Variants in PCDH15 observed in about 807,000 individuals in gnomAD.
PCDH15 encodes protocadherin-15.
In PCDH15, 129 loss-of-function variants were observed where a neutral mutation model predicts 178.5. That is an observed-to-expected ratio of 0.72 (90% CI 0.63 to 0.84). PCDH15 has a LOEUF of 0.84. Among genes scored for constraint, PCDH15 ranks in the 40% least tolerant of loss-of-function variants. The pLI, the probability that PCDH15 is intolerant of heterozygous loss-of-function variation, is 0.00. For missense variants in PCDH15, 2,230 were observed against 2,099.9 expected (o/e 1.06, Z -1.21); for synonymous variants, 800 against 732.0 (o/e 1.09, Z -1.50).
At chr10:55,453,253 C>A (rs1839474618) in intron 2 of PCDH15, among the ~76,000 whole-genome samples, 1 of 152,094 alleles carries the variant, frequency 6.6e-6, no homozygotes, top group Non-Finnish European at 1.5e-5. Context: ...AGATCATCAG[C>A]AAGAGGATAG....
At chr10:55,147,808 TTCC>T (rs1212460268) in intron 2 of PCDH15, among the ~76,000 whole-genome samples, 2 of 126,512 alleles carry the variant, frequency 1.6e-5, no homozygotes, top group African/African-American at 2.7e-5. Flanking sequence ...TCTTCTTATG[TTCC>T]TCCTCCTTCT....
chr10:53,888,304 A>ATATATATATATATG (rs1554845195), intron 26 of PCDH15, among the ~76,000 whole-genome samples: 1 of 88,976 alleles, frequency 1.1e-5, no homozygotes, highest in African/African-American at 5.8e-5. Flanking sequence ...ATATATATAT[A>ATATATATATATATG]TATATGTATA....
At chr10:55,593,372 A>T (rs1009415377) in intron 2 of PCDH15, among the ~76,000 whole-genome samples, 1 of 151,994 alleles carries the variant, frequency 6.6e-6, no homozygotes, top group Non-Finnish European at 1.5e-5. Flanking sequence ...TATGTATGCT[A>T]TAGACACTGA....
intron 3 of PCDH15, among the ~76,000 whole-genome samples, chr10:54,835,186 A>T (rs1434244888): frequency 6.6e-6 from 1 of 152,172 alleles, no homozygotes; most frequent in African/African-American, 2.4e-5. Context: ...TTCAAAGAAC[A>T]CCATCAGTAG....
At chr10:54,983,120 A>T (rs1303172856) in intron 2 of PCDH15, among the ~76,000 whole-genome samples, 2 of 152,200 alleles carry the variant, frequency 1.3e-5, no homozygotes, top group East Asian at 3.8e-4. Context: ...ACCAATGAAA[A>T]GCCTATTCAA....
intron 28 of PCDH15, among the ~76,000 whole-genome samples, chr10:53,855,340 AAGTT>A (rs775147145): frequency 2.6e-5 from 4 of 152,050 alleles, no homozygotes; most frequent in South Asian, 2.1e-4. Flanking sequence ...AAGCAGCTAA[AAGTT>A]AGGCACAATT....
At chr10:53,808,608 C>T in intron 37 of PCDH15, 2 of 1,497,752 alleles carry the variant, frequency 1.3e-6, no homozygotes, top group East Asian at 2.4e-5. Flanking sequence ...TCCTCCCTTT[C>T]AAGTGTCACT....
At chr10:54,717,375 A>G (rs1242583744) in intron 1 of PCDH15, among the ~76,000 whole-genome samples, 3 of 130,934 alleles carry the variant, frequency 2.3e-5, no homozygotes, top group African/African-American at 9.0e-5. Flanking sequence ...ACAAAGGGCT[A>G]ATATCCAGAA....
At chr10:53,861,423 A>T (rs1174177974) in intron 27 of PCDH15, among the ~76,000 whole-genome samples, 1 of 152,300 alleles carries the variant, frequency 6.6e-6, no homozygotes, top group Admixed American at 6.5e-5. Context: ...AAATTAAAAA[A>T]GCAATGGTTG....
At chr10:54,289,514 C>T (rs191228368) in intron 8 of PCDH15, among the ~76,000 whole-genome samples, 130 of 152,304 alleles carry the variant, frequency 8.5e-4, no homozygotes, top group Admixed American at 2.5e-3. Context: ...AGCTCCTCAC[C>T]AGCAACAGAG....
rs151123106 is a variant in PCDH15, at chr10:54,614,623, C to A, written c.91+49549G>T. Among the ~76,000 whole-genome samples, 776 of 152,088 alleles carry A rather than the reference C, an allele frequency of 5.1e-3. 6 individuals carry two copies. The highest frequency in any genetic ancestry group is 0.017 in the African/African-American group (718 of 41,504). On this transcript the variant is annotated intron_variant, in intron 2 of 37. Coordinates refer to ENST00000644397, the MANE Select transcript of PCDH15 (RefSeq NM_001384140.1). ...ATTAAATGTTTAAACATAATAAACA[C>A]TAATGAAGTGCTCTGTCACTACAAA...
intron 1 of PCDH15, among the ~76,000 whole-genome samples, chr10:54,702,859 G>A (rs1463672104): frequency 6.6e-6 from 1 of 151,946 alleles, no homozygotes; most frequent in African/African-American, 2.4e-5. Flanking sequence ...GATTCTATGA[G>A]TCATGCATCA....
At chr10:55,454,290 C>A (rs1165539053) in intron 2 of PCDH15, among the ~76,000 whole-genome samples, 1 of 151,568 alleles carries the variant, frequency 6.6e-6, no homozygotes, top group Non-Finnish European at 1.5e-5. Flanking sequence ...TTGTTTTTTT[C>A]TTTTTTTATT....
At chr10:54,858,355 G>T (rs754811107) in intron 3 of PCDH15, among the ~76,000 whole-genome samples, 5 of 152,116 alleles carry the variant, frequency 3.3e-5, no homozygotes, top group Non-Finnish European at 5.9e-5. Context: ...TATTGTGAAA[G>T]GTGCTGCAAT....
chr10:55,179,362 G>T (rs1217957978), intron 1 of PCDH15, among the ~76,000 whole-genome samples: 1 of 152,016 alleles, frequency 6.6e-6, no homozygotes, highest in South Asian at 2.1e-4. Flanking sequence ...CCTAGGACAG[G>T]TCTCAACCTT....
At chr10:54,028,499 T>G (rs1366283060) in intron 18 of PCDH15, among the ~76,000 whole-genome samples, 1 of 152,044 alleles carries the variant, frequency 6.6e-6, no homozygotes. Context: ...ATATGTTTAT[T>G]GTGGCATTAT....
intron 1 of PCDH15, among the ~76,000 whole-genome samples, chr10:54,718,178 G>A (rs2095504139): frequency 6.7e-6 from 1 of 149,936 alleles, no homozygotes; most frequent in Non-Finnish European, 1.5e-5. Flanking sequence ...GAGTTAGTGG[G>A]TGCAGCGCAC....
rs919909985 is a variant in PCDH15 at position 54,233,991 on chromosome 10, T to C, written c.985+2832A>G. Among the ~76,000 whole-genome samples, 62 of 152,214 alleles carry C rather than the reference T, an allele frequency of 4.1e-4. 1 individual carries two copies. Among genetic ancestry groups the C allele is most frequent in the African/African-American group, 1.4e-3 (60 of 41,532 alleles). The stretch of plus-strand genomic sequence containing the variant: ...GTAAACAGAGACTGTCTATAACAAA[T>C]GGAAGCAGGAGAGGAGTCGTCCATG... On this transcript the variant is annotated intron_variant, in intron 9 of 37. Coordinates refer to ENST00000644397, the MANE Select transcript of PCDH15 (RefSeq NM_001384140.1).
chr10:55,378,113 C>T (rs1460024053), intron 2 of PCDH15, among the ~76,000 whole-genome samples: 3 of 151,990 alleles, frequency 2.0e-5, no homozygotes, highest in Non-Finnish European at 4.4e-5. Context: ...ATGTAGATGA[C>T]GGGTTGATGG....
Sources: gnomAD v4.1 joint callset for allele counts (sites outside exome capture counted in the v4.1 genomes callset) on GRCh38, gnomAD v4.1.1 for gene constraint, MANE v1.5 for transcripts, NCBI Gene and HGNC (gene_info 2026-07-23, HGNC 2026-07-21) for gene names.